The following MGAT4C variants were observed in gnomAD, a reference collection of about 807,000 sequenced individuals.
MGAT4C encodes MGAT4 family member C.
A neutral mutation model predicts 40.1 loss-of-function variants in MGAT4C; 19 were observed. The observed-to-expected ratio is 0.47, with a 90% confidence interval of 0.33 to 0.70. The LOEUF (loss-of-function observed/expected upper bound fraction) is 0.70. Among genes scored for constraint, MGAT4C ranks in the 30% least tolerant of loss-of-function variants. MGAT4C has a pLI of 0.02. For missense variants in MGAT4C, 491 were observed against 563.2 expected (o/e 0.87, Z 1.30); for synonymous variants, 181 against 187.1 (o/e 0.97, Z 0.27).
At position 86,783,315 on chromosome 12, in the gene MGAT4C, A is replaced by G. The variant is rs73393171; in HGVS notation, c.-262+55351T>C. Among the ~76,000 whole-genome samples, 507 of 152,312 alleles carry G rather than the reference A, an allele frequency of 3.3e-3. 7 individuals carry two copies. Among genetic ancestry groups the G allele is most frequent in the African/African-American group, 0.012 (490 of 41,580 alleles). On this transcript the variant is annotated intron_variant, in intron 1 of 7. Coordinates refer to the MGAT4C transcript ENST00000548651. ...GTTTGATTGACAAAGGGAAATACTT[A>G]TTAGTATGAATGTCATATATTTACA... is the stretch of plus-strand genomic sequence containing the variant.
At chr12:86,525,363 G>A (rs747051119) in intron 2 of MGAT4C, among the ~76,000 whole-genome samples, 2 of 152,176 alleles carry the variant, frequency 1.3e-5, no homozygotes, top group Admixed American at 1.3e-4. Context: ...ACATGGAACT[G>A]GAAGTTGATT....
At chr12:86,765,716 A>G (rs1405282113) in intron 1 of MGAT4C, among the ~76,000 whole-genome samples, 5 of 152,240 alleles carry the variant, frequency 3.3e-5, no homozygotes, top group Admixed American at 6.5e-5. Flanking sequence ...AATATTCAAC[A>G]TTCTTAAAGA....
chr12:86,282,438 A>G (rs1328249683), intron 4 of MGAT4C, among the ~76,000 whole-genome samples: 1 of 152,010 alleles, frequency 6.6e-6, no homozygotes, highest in African/African-American at 2.4e-5. Flanking sequence ...TTTTTGTAAT[A>G]GTTACCATTT....
At chr12:86,272,951 T>A (rs1952986157) in intron 4 of MGAT4C, among the ~76,000 whole-genome samples, 1 of 152,184 alleles carries the variant, frequency 6.6e-6, no homozygotes, top group Non-Finnish European at 1.5e-5. Flanking sequence ...ACAATGACCC[T>A]CTACATCATA....
In MGAT4C at chr12:86,462,810, C is replaced by T. The variant is rs144906788; in HGVS notation, c.-228-27545G>A. ...GAGACCGGAAGACTCAGCATGTATG[C>T]GCTTTCCATCTTCTGCCTGCTTTAT... On this transcript the variant is annotated intron_variant, in intron 2 of 7. Transcript: ENST00000548651. Among the ~76,000 whole-genome samples, 363 of 152,250 alleles carry T rather than the reference C, an allele frequency of 2.4e-3. 5 individuals carry two copies. Among genetic ancestry groups the T allele is most frequent in the African/African-American group, 8.3e-3 (343 of 41,558 alleles).
At chr12:86,136,182 T>C (rs896091300) in intron 1 of MGAT4C, among the ~76,000 whole-genome samples, 17 of 152,220 alleles carry the variant, frequency 1.1e-4, no homozygotes, top group Non-Finnish European at 1.9e-4. Flanking sequence ...CAGTCATCCA[T>C]TAATTCAATT....
intron 2 of MGAT4C, among the ~76,000 whole-genome samples, chr12:86,615,177 A>G (rs1962409959): frequency 6.6e-6 from 1 of 152,084 alleles, no homozygotes; most frequent in South Asian, 2.1e-4. Flanking sequence ...TGAACAATAT[A>G]CTAGGGCAAT....
intron 1 of MGAT4C, among the ~76,000 whole-genome samples, chr12:86,125,127 G>A (rs1036567208): frequency 6.6e-6 from 1 of 152,100 alleles, no homozygotes; most frequent in Non-Finnish European, 1.5e-5. Context: ...GGATGAAGGC[G>A]GGATCTGACA....
chr12:86,586,930 T>G (rs1384445653), intron 2 of MGAT4C, among the ~76,000 whole-genome samples: 2 of 152,168 alleles, frequency 1.3e-5, no homozygotes, highest in African/African-American at 4.8e-5. Flanking sequence ...GTAGTTTCTT[T>G]TGCTGTGCAG....
At chr12:86,150,950 T>C (rs1884191029) in intron 1 of MGAT4C, among the ~76,000 whole-genome samples, 1 of 151,908 alleles carries the variant, frequency 6.6e-6, no homozygotes, top group Non-Finnish European at 1.5e-5. Context: ...GCATCCAGGG[T>C]TTTTATTGGG....
At chr12:86,567,142 G>C (rs1484325687) in intron 2 of MGAT4C, among the ~76,000 whole-genome samples, 1 of 152,070 alleles carries the variant, frequency 6.6e-6, no homozygotes, top group East Asian at 1.9e-4. Context: ...TCCAATATAT[G>C]GTACTGTTTC....
chr12:86,760,519 G>T (rs528662137), intron 1 of MGAT4C, among the ~76,000 whole-genome samples: 1 of 151,828 alleles, frequency 6.6e-6, no homozygotes, highest in Non-Finnish European at 1.5e-5. Flanking sequence ...TGATCTTATT[G>T]CCTGAAACAA....
intron 2 of MGAT4C, among the ~76,000 whole-genome samples, chr12:86,593,855 G>C (rs1212872751): frequency 6.6e-6 from 1 of 151,636 alleles, no homozygotes; most frequent in Admixed American, 6.6e-5. Flanking sequence ...TCTGTTCTAC[G>C]TCATGCTTCT....
In MGAT4C at chr12:86,331,165, G is replaced by A. The variant is rs12306583; in HGVS notation, c.-57+2900C>T. On this transcript the variant is annotated intron_variant, in intron 4 of 7. Transcript: ENST00000548651. ...AGTATACTTGGAAGAGGGCCAAGCA[G>A]GCAACTTGAGAGATTCAAGTGTGAA... Among the ~76,000 whole-genome samples, 1,234 of 152,246 alleles carry A rather than the reference G, an allele frequency of 8.1e-3. 24 individuals are homozygous for A. Among genetic ancestry groups the A allele is most frequent in the African/African-American group, 0.028 (1,181 of 41,550 alleles).
At chr12:86,781,978 T>G (rs79884163) in intron 1 of MGAT4C, among the ~76,000 whole-genome samples, 2,803 of 152,120 alleles carry the variant, frequency 0.018, 31 homozygotes, top group African/African-American at 0.037. Flanking sequence ...TTAAAGTTTA[T>G]TCATAGACTT....
At chr12:86,065,149 T>G (rs759347038) in intron 1 of MGAT4C, among the ~76,000 whole-genome samples, 3 of 152,250 alleles carry the variant, frequency 2.0e-5, no homozygotes, top group Non-Finnish European at 4.4e-5. Context: ...AGAGCTGGTA[T>G]CATTCCTTCT....
In MGAT4C at chr12:86,165,031, A is replaced by G. The variant is rs142403814; in HGVS notation, c.-57+91208T>C. Among the ~76,000 whole-genome samples the G allele has an allele frequency of 7.2e-5, 11 of 152,292 alleles. No individual in the cohort carries two copies. The East Asian group carries it at 1.5e-3, about 21-fold the overall frequency. On this transcript the variant is annotated intron_variant, in intron 1 of 4. Transcript: ENST00000611864. ...AATGAGTAGTCCATTCAGGTTTAAA[A>G]TGATATTAAATTTTGAATATGATAA... is the stretch of plus-strand genomic sequence containing the variant.
At chr12:86,375,298 T>C (rs1311867026) in intron 3 of MGAT4C, among the ~76,000 whole-genome samples, 2 of 152,112 alleles carry the variant, frequency 1.3e-5, no homozygotes, top group East Asian at 1.9e-4. Flanking sequence ...AATGGAGAAA[T>C]TACATGGAGA....
chr12:86,296,874 T>C (rs1566268070), intron 4 of MGAT4C, among the ~76,000 whole-genome samples: 1 of 152,172 alleles, frequency 6.6e-6, no homozygotes, highest in Non-Finnish European at 1.5e-5. Flanking sequence ...GCTCCTCAAG[T>C]GCCGCCGAAG....
Sources: allele counts gnomAD v4.1 joint callset (sites outside exome capture counted in the v4.1 genomes callset), GRCh38; gene constraint gnomAD v4.1.1; transcripts MANE v1.5; gene names NCBI Gene and HGNC (gene_info 2026-07-23, HGNC 2026-07-21).